SLC71A2: variants seen among roughly 807,000 people sequenced by gnomAD.
The protein encoded by SLC71A2 is hippocampus abundant transcript-like 1.
the SLC71A2 span, among the ~76,000 whole-genome samples, chr9:94,435,649 TC>T: frequency 0.068 from 4,020 of 59,284 alleles, 60 homozygotes; most frequent in Non-Finnish European, 0.1. Flanking sequence ...TTTTCCTTCT[TC>T]TTTTTTTTTT....
At chr9:94,379,588 A>G in the SLC71A2 span, among the ~76,000 whole-genome samples, 5 of 151,358 alleles carry the variant, frequency 3.3e-5, no homozygotes, top group African/African-American at 9.7e-5. Flanking sequence ...ATTGGGTCTC[A>G]CTGTGTTGTC....
chr9:94,408,080 A>AT, the SLC71A2 span, among the ~76,000 whole-genome samples: 1 of 152,124 alleles, frequency 6.6e-6, no homozygotes, highest in East Asian at 1.9e-4. Context: ...AAACTCAATC[A>AT]TAGGTGTGTG....
the SLC71A2 span, among the ~76,000 whole-genome samples, chr9:94,430,280 T>C: frequency 5.3e-5 from 8 of 150,534 alleles, no homozygotes; most frequent in Admixed American, 2.7e-4. Flanking sequence ...TGGAGTGCAG[T>C]GGTGTGATCT....
chr9:94,430,227 T>C, the SLC71A2 span, among the ~76,000 whole-genome samples: 1 of 150,200 alleles, frequency 6.7e-6, no homozygotes, highest in Non-Finnish European at 1.5e-5. Context: ...TAAATAATTT[T>C]TTTTTTTTTT....
chr9:94,399,301 G>C, the SLC71A2 span, among the ~76,000 whole-genome samples: 908 of 152,060 alleles, frequency 6.0e-3, 7 homozygotes, highest in African/African-American at 0.02. Context: ...AGGAGCCCTG[G>C]TTTCTTTTAT....
chr9:94,434,523 G>A, the SLC71A2 span, among the ~76,000 whole-genome samples: 24 of 152,042 alleles, frequency 1.6e-4, no homozygotes, highest in African/African-American at 4.8e-4. Context: ...CACCATGTTC[G>A]CCAGGCTGGT....
chr9:94,445,714 CAT>C, the SLC71A2 span, among the ~76,000 whole-genome samples: 1 of 152,016 alleles, frequency 6.6e-6, no homozygotes, highest in South Asian at 2.1e-4. Context: ...CACTGGAAAA[CAT>C]ATCTTATCTC....
chr9:94,384,120 C>T, the SLC71A2 span, among the ~76,000 whole-genome samples: 1 of 152,134 alleles, frequency 6.6e-6, no homozygotes, highest in African/African-American at 2.4e-5. Flanking sequence ...TCTTTCAAAA[C>T]AAATTCTATA....
chr9:94,422,010 T>C, the SLC71A2 span, among the ~76,000 whole-genome samples: 1 of 152,152 alleles, frequency 6.6e-6, no homozygotes, highest in African/African-American at 2.4e-5. Flanking sequence ...CCTCCTGGGT[T>C]CAAGTGATTC....
At chr9:94,410,416 C>G in the SLC71A2 span, among the ~76,000 whole-genome samples, 1 of 150,996 alleles carries the variant, frequency 6.6e-6, no homozygotes, top group African/African-American at 2.4e-5. Context: ...TTTTTTCCCC[C>G]CCTAAGAGAT....
chr9:94,384,606 C>T, the SLC71A2 span, among the ~76,000 whole-genome samples: 2 of 152,184 alleles, frequency 1.3e-5, no homozygotes, highest in Non-Finnish European at 2.9e-5. Context: ...TCCCAAAGTG[C>T]GGGGATTACA....
At chr9:94,429,438 G>C in the SLC71A2 span, among the ~76,000 whole-genome samples, 10 of 152,076 alleles carry the variant, frequency 6.6e-5, no homozygotes, top group African/African-American at 2.4e-4. Context: ...GGCATAGAAT[G>C]GTTTACTGGC....
chr9:94,431,336 C>CTAGT, the SLC71A2 span, among the ~76,000 whole-genome samples: 1 of 151,792 alleles, frequency 6.6e-6, no homozygotes, highest in African/African-American at 2.4e-5. Context: ...AAATTATGCC[C>CTAGT]TAGTAATGTG....
At chr9:94,401,192 A>T in the SLC71A2 span, among the ~76,000 whole-genome samples, 1 of 151,916 alleles carries the variant, frequency 6.6e-6, no homozygotes, top group African/African-American at 2.4e-5. Context: ...TGTTTTTGAA[A>T]CGGAGTCTCA....
chr9:94,396,688 A>G, the SLC71A2 span, among the ~76,000 whole-genome samples: 1 of 152,254 alleles, frequency 6.6e-6, no homozygotes, highest in African/African-American at 2.4e-5. Context: ...AAGCACTGCT[A>G]AATATCAGTG....
chr9:94,390,131 G>C, the SLC71A2 span, among the ~76,000 whole-genome samples: 1 of 152,094 alleles, frequency 6.6e-6, no homozygotes, highest in Admixed American at 6.5e-5. Context: ...GGAGAATGGC[G>C]TGAACCCAGG....
At chr9:94,459,271 A>G in the SLC71A2 span, 2 of 1,614,082 alleles carry the variant, frequency 1.2e-6, no homozygotes, top group East Asian at 2.2e-5. Context: ...GAGTTCAAAA[A>G]CACAGTAACA....
At chr9:94,444,007 T>C in the SLC71A2 span, among the ~76,000 whole-genome samples, 1 of 152,218 alleles carries the variant, frequency 6.6e-6, no homozygotes, top group Non-Finnish European at 1.5e-5. Flanking sequence ...TTTAGTATAA[T>C]ACTAATTTCA....
the SLC71A2 span, among the ~76,000 whole-genome samples, chr9:94,409,691 G>A: frequency 6.6e-6 from 1 of 151,922 alleles, no homozygotes; most frequent in East Asian, 1.9e-4. Flanking sequence ...TGAAAGTTTT[G>A]TAACTTTCCT....
Sources: gnomAD v4.1 joint callset for allele counts (sites outside exome capture counted in the v4.1 genomes callset) on GRCh38, gnomAD v4.1.1 for gene constraint, MANE v1.5 for transcripts, NCBI Gene and HGNC (gene_info 2026-07-23, HGNC 2026-07-21) for gene names.